ARHGEF28: variants seen among roughly 807,000 people sequenced by gnomAD.
ARHGEF28 encodes Rho guanine nucleotide exchange factor 28, also known as 190 kDa guanine nucleotide exchange factor.
ARHGEF28 carries 152 observed loss-of-function variants against 206.6 expected under a neutral mutation model. That is an observed-to-expected ratio of 0.74 (90% CI 0.64 to 0.84). The LOEUF (loss-of-function observed/expected upper bound fraction) is 0.84. Ranked by LOEUF, ARHGEF28 falls within the 40% of genes least tolerant of loss-of-function variation. The pLI, the probability that ARHGEF28 is intolerant of heterozygous loss-of-function variation, is 0.00. For synonymous variants in ARHGEF28, 763 were observed against 776.4 expected, an observed-to-expected ratio of 0.98 and a Z score of 0.29; for missense variants, 2,028 against 2,073.2, an observed-to-expected ratio of 0.98 and a Z score of 0.42.
intron 7 of ARHGEF28, among the ~76,000 whole-genome samples, chr5:73,787,564 G>A (rs1442341593): frequency 6.6e-6 from 1 of 152,144 alleles, no homozygotes; most frequent in Non-Finnish European, 1.5e-5. Flanking sequence ...AGACCCTGGT[G>A]TGTAACGTTC....
chr5:73,819,274 C>T (rs1756424162), intron 9 of ARHGEF28, among the ~76,000 whole-genome samples: 2 of 152,196 alleles, frequency 1.3e-5, no homozygotes, highest in Non-Finnish European at 2.9e-5. Flanking sequence ...TACGTTTCTT[C>T]CCTTTGCTCT....
chr5:73,707,838 G>A (rs191894131), intron 2 of ARHGEF28, among the ~76,000 whole-genome samples: 3 of 152,176 alleles, frequency 2.0e-5, no homozygotes, highest in South Asian at 2.1e-4. Flanking sequence ...GTACTTTCTA[G>A]TATGAAAAGT....
intron 2 of ARHGEF28, among the ~76,000 whole-genome samples, chr5:73,736,233 G>C (rs1013782570): frequency 6.6e-6 from 1 of 152,228 alleles, no homozygotes; most frequent in Non-Finnish European, 1.5e-5. Flanking sequence ...TTAGGTGTGA[G>C]GAAATGGTCA....
intron 1 of ARHGEF28, among the ~76,000 whole-genome samples, chr5:73,661,919 A>G (rs1745620734): frequency 6.6e-6 from 1 of 152,226 alleles, no homozygotes; most frequent in Non-Finnish European, 1.5e-5. Flanking sequence ...AAGCGAGCAC[A>G]TGCTATTGCA....
At chr5:73,786,924 T>G (rs955455556) in intron 7 of ARHGEF28, among the ~76,000 whole-genome samples, 1 of 152,188 alleles carries the variant, frequency 6.6e-6, no homozygotes, top group Non-Finnish European at 1.5e-5. Context: ...GCTTGAACAT[T>G]CTGTAGACAA....
chr5:73,826,625 C>A (rs1031247388), intron 9 of ARHGEF28, among the ~76,000 whole-genome samples: 1 of 152,160 alleles, frequency 6.6e-6, no homozygotes, highest in Non-Finnish European at 1.5e-5. Context: ...TGTTGGAAAT[C>A]AGTTGAAGAA....
intron 9 of ARHGEF28, among the ~76,000 whole-genome samples, chr5:73,802,818 C>CA (rs111274274): frequency 0.012 from 1,500 of 130,018 alleles, 12 homozygotes; most frequent in Admixed American, 0.02. Flanking sequence ...TAGGCATTTA[C>CA]AAAAAAAAAA....
chr5:73,914,479 C>T (rs1425978622), intron 35 of ARHGEF28, among the ~76,000 whole-genome samples: 1 of 150,230 alleles, frequency 6.7e-6, no homozygotes, highest in Non-Finnish European at 1.5e-5. Flanking sequence ...TCACTGCAAC[C>T]TCCACCTCCC....
rs386404110 is a variant in ARHGEF28, at chr5:73,932,800, C to CTTTTTTTTT, written c.4949-8026_4949-8018dup. 1.4e-3 allele frequency among the ~76,000 whole-genome samples: 101 copies of CTTTTTTTTT among 73,434 alleles called. 11 individuals are homozygous for CTTTTTTTTT. The highest frequency in any genetic ancestry group is 2.3e-3 in the East Asian group (5 of 2,130). 48.2% of individuals were successfully genotyped at this position (73,434 alleles called of 152,430 possible). On this transcript the variant is annotated intron_variant, in intron 35 of 35. Coordinates refer to ENST00000513042, the MANE Select transcript of ARHGEF28 (RefSeq NM_001177693.2). ...GTTATACTACTTTTATTTCCTATTT[C>CTTTTTTTTT]TTTTTTTTTTTTTTTTTTTTTTTTT...
chr5:73,861,525 C>G (rs1759401388), intron 16 of ARHGEF28, among the ~76,000 whole-genome samples: 1 of 152,170 alleles, frequency 6.6e-6, no homozygotes, highest in African/African-American at 2.4e-5. Flanking sequence ...CACCGCCTCC[C>G]AGGCTCAAGC....
At chr5:73,752,580 AAC>A (rs556244631) in intron 3 of ARHGEF28, among the ~76,000 whole-genome samples, 17 of 152,328 alleles carry the variant, frequency 1.1e-4, no homozygotes, top group South Asian at 4.1e-4. Flanking sequence ...GAAGACAACA[AAC>A]ACAAATTCAG....
chr5:73,741,524 A>C (rs1561371263), intron 2 of ARHGEF28, among the ~76,000 whole-genome samples: 1 of 148,932 alleles, frequency 6.7e-6, no homozygotes, highest in Non-Finnish European at 1.5e-5. Context: ...GATTCAAGCG[A>C]TTCTCTTTTC....
At chr5:73,641,403 G>GGTTTTTTTTTT (rs1561302852) in intron 1 of ARHGEF28, among the ~76,000 whole-genome samples, 1 of 145,544 alleles carries the variant, frequency 6.9e-6, no homozygotes, top group Non-Finnish European at 1.5e-5. Flanking sequence ...CAGGGGAAAG[G>GGTTTTTTTTTT]CTTTTTTTTT....
intron 11 of ARHGEF28, among the ~76,000 whole-genome samples, chr5:73,842,210 A>G (rs1347227897): frequency 6.6e-6 from 1 of 152,180 alleles, no homozygotes; most frequent in Non-Finnish European, 1.5e-5. Context: ...TACCCATGTG[A>G]TTATATGTTC....
chr5:73,846,170 C>A, intron 11 of ARHGEF28, 98 bp from the exon 12 acceptor site: 3 of 1,128,676 alleles, frequency 2.7e-6, no homozygotes, highest in Non-Finnish European at 3.9e-6. Context: ...TGCACCCCCC[C>A]CGCCCCAGTG....
At chr5:73,753,724 CT>C (rs1353500584) in intron 4 of ARHGEF28, among the ~76,000 whole-genome samples, 1 of 152,160 alleles carries the variant, frequency 6.6e-6, no homozygotes, top group African/African-American at 2.4e-5. Context: ...CAAATGGACT[CT>C]GAATACCAAG....
At chr5:73,823,328 C>T (rs1397256927) in intron 9 of ARHGEF28, among the ~76,000 whole-genome samples, 1 of 152,086 alleles carries the variant, frequency 6.6e-6, no homozygotes, top group East Asian at 1.9e-4. Context: ...GATAACCTAC[C>T]ATTTTGCATA....
At chr5:73,808,910 A>G (rs990981896) in intron 9 of ARHGEF28, among the ~76,000 whole-genome samples, 1 of 152,154 alleles carries the variant, frequency 6.6e-6, no homozygotes, top group South Asian at 2.1e-4. Flanking sequence ...GCACATTGCC[A>G]TGTCTCAGTT....
chr5:73,791,092 C>A lies in ARHGEF28; in HGVS notation c.911-3310C>A, dbSNP rs562763453. 2.0e-5 allele frequency among the ~76,000 whole-genome samples: 3 copies of A among 152,336 alleles called. No individual in the cohort carries two copies. In the South Asian group the frequency reaches 6.2e-4, roughly 32 times the overall value. On this transcript the variant is annotated intron_variant, in intron 7 of 35. Transcript: ENST00000513042. ...CTGTCCTGATCCACAGCTTGTCTAA[C>A]CATCCACCACATCTTGTCAGCTATG...
Sources: allele counts gnomAD v4.1 joint callset (sites outside exome capture counted in the v4.1 genomes callset), GRCh38; gene constraint gnomAD v4.1.1; transcripts MANE v1.5; gene names NCBI Gene and HGNC (gene_info 2026-07-23, HGNC 2026-07-21).